PSPC1: variants seen among roughly 807,000 people sequenced by gnomAD.
PSPC1 encodes the protein paraspeckle protein 1.
A neutral mutation model predicts 51.6 loss-of-function variants in PSPC1; 14 were observed. The observed-to-expected ratio is 0.27, with a 90% CI of 0.18 to 0.42. PSPC1 has a LOEUF of 0.42. PSPC1 is among the 10% of genes least tolerant of loss of function. The pLI, the probability that PSPC1 is intolerant of heterozygous loss-of-function variation, is 1.00. For missense variants in PSPC1, 406 were observed against 701.1 expected, an observed-to-expected ratio of 0.58 and a Z score of 4.75; for synonymous variants, 193 against 231.9, an observed-to-expected ratio of 0.83 and a Z score of 1.53.
chr13:19,722,723 G>A (rs192831511), intron 6 of PSPC1, among the ~76,000 whole-genome samples: 7 of 152,300 alleles, frequency 4.6e-5, no homozygotes, highest in Admixed American at 2.6e-4. Context: ...GAACCTGGGA[G>A]GCGGAGGTTG....
intron 6 of PSPC1, among the ~76,000 whole-genome samples, chr13:19,680,147 C>T (rs184060375): frequency 3.0e-4 from 45 of 152,068 alleles, no homozygotes; most frequent in African/African-American, 1.1e-3. Flanking sequence ...CCCAAGTAGC[C>T]GGGACTACAG....
At chr13:19,740,997 CCT>C (rs1885386046) in intron 5 of PSPC1, among the ~76,000 whole-genome samples, 1 of 152,056 alleles carries the variant, frequency 6.6e-6, no homozygotes, top group Non-Finnish European at 1.5e-5. Flanking sequence ...GCCTCAACGC[CCT>C]GAGTAGCTGG....
intron 6 of PSPC1, among the ~76,000 whole-genome samples, chr13:19,727,375 C>G (rs1183237637): frequency 1.3e-5 from 2 of 151,264 alleles, no homozygotes; most frequent in African/African-American, 4.9e-5. Context: ...GCCTGAACGA[C>G]AAGAGTGAAA....
At chr13:19,765,336 A>AT (rs1409505926) in intron 2 of PSPC1, among the ~76,000 whole-genome samples, 17 of 145,616 alleles carry the variant, frequency 1.2e-4, no homozygotes, top group African/African-American at 3.8e-4. Context: ...AATAATAATA[A>AT]TAATAATAAT....
At chr13:19,687,950 A>C (rs542730804) in intron 6 of PSPC1, among the ~76,000 whole-genome samples, 3 of 151,614 alleles carry the variant, frequency 2.0e-5, no homozygotes, top group African/African-American at 7.3e-5. Context: ...CCAGCTTTCT[A>C]CACAGTATCA....
chr13:19,699,061 T>G (rs1433452104), downstream of PSPC1, among the ~76,000 whole-genome samples: 1 of 151,878 alleles, frequency 6.6e-6, no homozygotes, highest in Admixed American at 6.6e-5. Context: ...AGAAAACAAG[T>G]TTTGTGGTAA....
At chr13:19,693,792 A>G (rs1878845701) in intron 6 of PSPC1, among the ~76,000 whole-genome samples, 1 of 152,194 alleles carries the variant, frequency 6.6e-6, no homozygotes, top group Non-Finnish European at 1.5e-5. Flanking sequence ...AATTAAGCTC[A>G]GGAAATTAAT....
At chr13:19,680,852 A>G (rs1233573899) in intron 6 of PSPC1, among the ~76,000 whole-genome samples, 1 of 152,188 alleles carries the variant, frequency 6.6e-6, no homozygotes, top group Non-Finnish European at 1.5e-5. Context: ...TTGAATGGAG[A>G]CATTTTTCAC....
chr13:19,674,156 A>G (rs903194509), downstream of PSPC1, among the ~76,000 whole-genome samples: 46 of 152,304 alleles, frequency 3.0e-4, no homozygotes, highest in African/African-American at 1.1e-3. Context: ...TAAGGACAAC[A>G]TAACTTGGCT....
intron 6 of PSPC1, among the ~76,000 whole-genome samples, chr13:19,713,637 G>A (rs760539214): frequency 2.0e-5 from 3 of 150,722 alleles, no homozygotes; most frequent in Non-Finnish European, 4.4e-5. Flanking sequence ...AAGATTGTAT[G>A]CCTTTCCATG....
chr13:19,755,994 T>G, intron 3 of PSPC1, among the ~76,000 whole-genome samples: 1 of 152,032 alleles, frequency 6.6e-6, no homozygotes, highest in East Asian at 1.9e-4. Flanking sequence ...CCCAGCACCT[T>G]GGGAGGCCAA....
At chr13:19,780,853 C>A (rs987081305) in intron 1 of PSPC1, among the ~76,000 whole-genome samples, 1 of 152,074 alleles carries the variant, frequency 6.6e-6, no homozygotes, top group African/African-American at 2.4e-5. Flanking sequence ...ACAGAGAACC[C>A]AATTTTGAAA....
chr13:19,747,033 A>C (rs949577575), intron 4 of PSPC1, among the ~76,000 whole-genome samples: 10 of 152,030 alleles, frequency 6.6e-5, no homozygotes, highest in Non-Finnish European at 1.3e-4. Context: ...GCTTGAACCC[A>C]GGAGGTGGAG....
At chr13:19,719,044 AT>A (rs889354935) in intron 6 of PSPC1, among the ~76,000 whole-genome samples, 5 of 151,176 alleles carry the variant, frequency 3.3e-5, no homozygotes, top group African/African-American at 1.2e-4. Flanking sequence ...TCATAGGTTC[AT>A]GTCATAGATT....
At chr13:19,711,305 A>G (rs1466685347) in intron 6 of PSPC1, among the ~76,000 whole-genome samples, 1 of 152,026 alleles carries the variant, frequency 6.6e-6, no homozygotes, top group Non-Finnish European at 1.5e-5. Flanking sequence ...AGATCATCTG[A>G]GGTCAGGAGT....
At chr13:19,730,946 GA>G (rs1168386647) in intron 5 of PSPC1, among the ~76,000 whole-genome samples, 1 of 25,248 alleles carries the variant, frequency 4.0e-5, no homozygotes, top group Admixed American at 6.7e-4. Context: ...CCCTGTCTCA[GA>G]AAAAAAAAAC....
chr13:19,727,404 A>AT (rs990381288), intron 6 of PSPC1, among the ~76,000 whole-genome samples: 49 of 151,820 alleles, frequency 3.2e-4, no homozygotes, highest in African/African-American at 1.2e-3. Context: ...CAATAAATAA[A>AT]TAAAAAAAAA....
chr13:19,689,188 C>G (rs1248650377), intron 6 of PSPC1, among the ~76,000 whole-genome samples: 1 of 152,160 alleles, frequency 6.6e-6, no homozygotes, highest in Non-Finnish European at 1.5e-5. Context: ...CAGTTCTGCT[C>G]CGGCTGCTCT....
chr13:19,710,095 T>C (rs906864992), intron 6 of PSPC1, among the ~76,000 whole-genome samples: 2 of 151,982 alleles, frequency 1.3e-5, no homozygotes, highest in Non-Finnish European at 2.9e-5. Context: ...ATTGTCTAAA[T>C]ATTATAATTC....
Sources: gnomAD v4.1 joint callset for allele counts (sites outside exome capture counted in the v4.1 genomes callset) on GRCh38, gnomAD v4.1.1 for gene constraint, MANE v1.5 for transcripts, NCBI Gene and HGNC (gene_info 2026-07-23, HGNC 2026-07-21) for gene names.